CCNL1: variants seen among roughly 807,000 people sequenced by gnomAD.
CCNL1 encodes the protein cyclin-L1.
Under a neutral mutation model 60.6 loss-of-function variants are expected in CCNL1, and 13 were observed. The observed-to-expected ratio is 0.21, with a 90% confidence interval of 0.14 to 0.34. The LOEUF is 0.34. Ranked by LOEUF, CCNL1 falls within the 10% of genes least tolerant of loss-of-function variation. The probability of loss-of-function intolerance (pLI) is 1.00; values close to 1 mark genes in which losing one functional copy is unlikely to be tolerated. For missense variants in CCNL1, 481 were observed against 664.3 expected (o/e 0.72, Z 3.03); for synonymous variants, 270 against 244.3 (o/e 1.10, Z -0.98).
intron 3 of CCNL1, chr3:157,157,216 C>A: frequency 2.7e-6 from 2 of 751,050 alleles, no homozygotes; most frequent in East Asian, 6.5e-5. Flanking sequence ...ATGCAATTAA[C>A]AACTCCTTTT....
rs567632471 is a variant in CCNL1, at chr3:157,159,983, CCGTCGTGGTCGT to C, written c.100_111del (p.Thr34_Thr37del). On this transcript the variant is annotated inframe_deletion, in exon 1 of 11. Transcript: ENST00000295926. Reference sequence around the variant, plus strand: ...AGGCGATCGCCGATCAGGATCCCTCCCGTCGTGGTCGTCGTCGTGGTCGTCGTCCCGGAGCTG... The same window carrying C: ...AGGCGATCGCCGATCAGGATCCCTCCCGTCGTGGTCGTCGTCCCGGAGCTG... The C allele has an allele frequency of 3.1e-4, 492 of 1,586,014 alleles. 2 individuals are homozygous for C. Among genetic ancestry groups the C allele is most frequent in the South Asian group, 3.7e-4 (32 of 87,196 alleles).
intron 3 of CCNL1, among the ~76,000 whole-genome samples, chr3:157,155,070 T>C (rs919433670): frequency 2.6e-5 from 4 of 152,176 alleles, no homozygotes; most frequent in Admixed American, 6.5e-5. Context: ...TTTTAACTTA[T>C]GGCTGTGTTA....
At chr3:157,146,173 AAT>A (rs1352371044), downstream of CCNL1, among the ~76,000 whole-genome samples, 1 of 152,184 alleles carries the variant, frequency 6.6e-6, no homozygotes, top group Non-Finnish European at 1.5e-5. Context: ...TTTTGGAGTT[AAT>A]AAACAGGTAT....
At chr3:157,144,855 T>C (rs1022923409), downstream of CCNL1, among the ~76,000 whole-genome samples, 1 of 151,928 alleles carries the variant, frequency 6.6e-6, no homozygotes, top group African/African-American at 2.4e-5. Context: ...GAAATGGCTC[T>C]TAGAACAAAT....
rs1348296668 is a variant in CCNL1, at chr3:157,160,066, G to C, written c.29C>G (p.Thr10Ser). The C allele has an allele frequency of 6.4e-7, 1 of 1,557,250 alleles. No individual in the cohort carries two copies. Among genetic ancestry groups the C allele is most frequent in the Non-Finnish European group, 8.7e-7 (1 of 1,151,098 alleles). The change falls in exon 1 of 11, where the codon ACT (threonine) becomes AGT (serine). Residue 10 changes from threonine to serine, a missense_variant. Physicochemically the swap from Thr to Ser is moderately conservative, Grantham distance 58. Transcript: ENST00000295926. MASGPHSTA[T>S]AAAAASSAAP... is the part of the protein sequence containing the mutation. The stretch of plus-strand genomic sequence containing the variant: ...GGCCGATGAGGCGGCTGCGGCAGCA[G>C]TAGCTGTCGAATGAGGCCCGGACGC...
rs147317073 is a variant in CCNL1 at position 157,152,727 on chromosome 3, T to C, written c.609+309A>G. ...GATACTTTTGTAGCTACACATTTAT[T>C]CCTTGGAATGAGGAACTTTACATCT... On this transcript the variant is annotated intron_variant, in intron 4 of 10. Coordinates refer to ENST00000295926, the MANE Select transcript of CCNL1 (RefSeq NM_020307.4). 1,117 of 1,152,288 alleles carry C rather than the reference T, an allele frequency of 9.7e-4. 13 individuals are homozygous for C. In the East Asian group the frequency reaches 0.038, roughly 39 times the overall value. The allele number at this position is 1,152,288 out of a possible 1,614,324, so 71.4% of individuals were successfully genotyped here.
At chr3:157,159,195 G>C in intron 2 of CCNL1, 1 of 638,250 alleles carries the variant, frequency 1.6e-6, no homozygotes, top group East Asian at 2.7e-5. Flanking sequence ...GCATTTGGTT[G>C]AAAACTGTAC....
intron 4 of CCNL1, 132 bp from the exon 5 acceptor site, chr3:157,152,373 T>C: frequency 1.4e-6 from 2 of 1,421,776 alleles, no homozygotes; most frequent in Non-Finnish European, 1.8e-6. Context: ...CCAATTTAAA[T>C]GTACATAAGA....
At position 157,159,467 on chromosome 3, in the gene CCNL1, T is replaced by C; in HGVS notation, c.316A>G (p.Thr106Ala). 1.2e-6 allele frequency: 2 copies of C among 1,611,648 alleles called. No homozygotes were observed. Among genetic ancestry groups the C allele is most frequent in the Non-Finnish European group, 8.5e-7 (1 of 1,179,156 alleles). The change falls in exon 2 of 11, where the codon ACG (threonine) becomes GCG (alanine). Residue 106 changes from threonine to alanine, a missense_variant. Thr to Ala is a moderately conservative substitution (Grantham distance 58). Transcript: ENST00000295926. The stretch of plus-strand genomic sequence containing the variant: ...AAACGATGAAACAACACCTGCCCCG[T>C]TGCCATCGCCACCTGCAGACAAGAG... ...LLRLPQVAMATGQVLFHRFFY... is the reference protein window; with the variant it reads ...LLRLPQVAMAAGQVLFHRFFY...
chr3:157,146,362 G>C (rs1737782116), downstream of CCNL1: 3 of 262,862 alleles, frequency 1.1e-5, no homozygotes, highest in Non-Finnish European at 2.3e-5. Context: ...TCTTTGCCTA[G>C]CCCACAAAGC....
intron 3 of CCNL1, among the ~76,000 whole-genome samples, chr3:157,157,656 TTAGAATTTAA>T (rs1738723437): frequency 1.3e-5 from 2 of 152,188 alleles, no homozygotes; most frequent in African/African-American, 4.8e-5. Flanking sequence ...AAAAGATATT[TTAGAATTTAA>T]AAAGTACTCT....
chr3:157,150,217 G>C (rs1249645922), intron 6 of CCNL1, 48 bp from the exon 7 acceptor site: 8 of 1,609,266 alleles, frequency 5.0e-6, no homozygotes, highest in Non-Finnish European at 8.5e-7. Flanking sequence ...TGCTAAATCT[G>C]TATTGGAACC....
downstream of CCNL1, chr3:157,147,496 A>T (rs902850219): frequency 3.5e-4 from 261 of 749,080 alleles, no homozygotes; most frequent in Admixed American, 6.9e-4. Flanking sequence ...CATTTCAGAA[A>T]TAGTACTTAA....
At chr3:157,146,992 C>T (rs1340291001), downstream of CCNL1, among the ~76,000 whole-genome samples, 2 of 152,176 alleles carry the variant, frequency 1.3e-5, no homozygotes, top group African/African-American at 4.8e-5. Context: ...TTTTTCCAGC[C>T]TCCACCACCT....
At chr3:157,146,889 G>T (rs766674894), downstream of CCNL1, among the ~76,000 whole-genome samples, 1 of 152,168 alleles carries the variant, frequency 6.6e-6, no homozygotes, top group Non-Finnish European at 1.5e-5. Flanking sequence ...AGTCTTTATA[G>T]TTAGAACTAT....
Position 157,159,554 on chromosome 3 carries a change from G to A in CCNL1, c.304-75C>T, listed in dbSNP as rs932575959. The A allele has an allele frequency of 7.2e-6, 10 of 1,385,940 alleles. No homozygotes were observed. In the African/African-American group the frequency reaches 1.0e-4, roughly 14 times the overall value. 85.9% of individuals were successfully genotyped at this position (1,385,940 alleles called of 1,614,324 possible). A position where few individuals can be genotyped will look rare whatever the true frequency, so the allele number is the denominator to read the frequency against. ...CCAGGCGCCGCCGCCATTTTGTGCCGCCGATCGCTTCCCTTTCCCCTCCCG... is the reference window on the plus strand; with the variant it reads ...CCAGGCGCCGCCGCCATTTTGTGCCACCGATCGCTTCCCTTTCCCCTCCCG... On this transcript the variant is annotated intron_variant, in intron 1 of 10. Coordinates refer to ENST00000295926, the MANE Select transcript of CCNL1 (RefSeq NM_020307.4).
At chr3:157,157,911 A>C (rs920134891) in intron 3 of CCNL1, among the ~76,000 whole-genome samples, 1 of 152,234 alleles carries the variant, frequency 6.6e-6, no homozygotes, top group Admixed American at 6.5e-5. Context: ...TACTAACAGC[A>C]CTAACCAACA....
Position 157,148,356 on chromosome 3 carries a change from CTG to C in CCNL1, c.1464_1465del (p.His488GlnfsTer3), listed in dbSNP as rs1174236127. The C allele has an allele frequency of 6.2e-7, 1 of 1,614,170 alleles. No individual in the cohort carries two copies. Among genetic ancestry groups the C allele is most frequent in the Non-Finnish European group, 8.5e-7 (1 of 1,180,034 alleles). ...GTCCCTATGATGTCCCCTTTCATGC[CTG>C]TGTTTCTTGGCTGCATCTGAGTGAT... On this transcript the variant is annotated frameshift_variant, in exon 11 of 11. Transcript: ENST00000295926. LOFTEE classifies it high-confidence loss of function.
rs560658492 is a variant in CCNL1 at position 157,147,811 on chromosome 3, A to G, written c.*430T>C. The stretch of plus-strand genomic sequence containing the variant: ...TTTGAAGCAGTTTAGAAAAAACAAG[A>G]TTTGTATTTTATTTCCTTGTAAAAA... On this transcript the variant is annotated 3_prime_UTR_variant, in exon 11 of 11. Coordinates refer to ENST00000295926, the MANE Select transcript of CCNL1 (RefSeq NM_020307.4). The G allele has an allele frequency of 1.4e-4, 135 of 984,912 alleles. No homozygotes were observed. In the Middle Eastern group the frequency reaches 1.6e-3, roughly 11 times the overall value. The allele number at this position is 984,912 out of a possible 1,614,324, so 61.0% of individuals were successfully genotyped here.
Sources: allele counts gnomAD v4.1 joint callset (sites outside exome capture counted in the v4.1 genomes callset), GRCh38; gene constraint gnomAD v4.1.1; transcripts MANE v1.5; gene names NCBI Gene and HGNC (gene_info 2026-07-23, HGNC 2026-07-21).